ROBO2: variants seen among roughly 807,000 people sequenced by gnomAD.
ROBO2 encodes roundabout guidance receptor 2, also known as roundabout homolog 2.
A neutral mutation model predicts 160.8 loss-of-function variants in ROBO2; 53 were observed. That is an observed-to-expected ratio of 0.33 (90% confidence interval 0.26 to 0.41). ROBO2 has a LOEUF of 0.41. Ranked by LOEUF, ROBO2 falls within the 10% of genes least tolerant of loss-of-function variation. ROBO2 has a pLI of 1.00. For synonymous variants in ROBO2, 664 were observed against 611.7 expected (o/e 1.09, Z -1.26); for missense variants, 1,577 against 1,722.4 (o/e 0.92, Z 1.49).
chr3:77,227,351 C>G (rs1297495422), intron 2 of ROBO2, among the ~76,000 whole-genome samples: 2 of 152,032 alleles, frequency 1.3e-5, no homozygotes, highest in Non-Finnish European at 2.9e-5. Context: ...ACCTCCAATT[C>G]CATTTAGAAC....
chr3:76,903,054 A>C (rs2075340833), intron 2 of ROBO2, among the ~76,000 whole-genome samples: 1 of 151,896 alleles, frequency 6.6e-6, no homozygotes, highest in South Asian at 2.1e-4. Flanking sequence ...ATGGCAGTTC[A>C]ATTTTATGTG....
chr3:76,741,590 A>G (rs541729722), intron 2 of ROBO2, among the ~76,000 whole-genome samples: 92 of 152,176 alleles, frequency 6.0e-4, no homozygotes, highest in Admixed American at 2.3e-3. Flanking sequence ...ACAGACTTTC[A>G]TTTACATGAC....
At chr3:76,771,796 G>A (rs190333765) in intron 2 of ROBO2, among the ~76,000 whole-genome samples, 66 of 150,784 alleles carry the variant, frequency 4.4e-4, no homozygotes, top group African/African-American at 1.5e-3. Context: ...CTAGACTAAT[G>A]AGGAAAAATC....
intron 2 of ROBO2, among the ~76,000 whole-genome samples, chr3:76,084,631 G>T (rs1239786458): frequency 6.6e-6 from 1 of 152,050 alleles, no homozygotes; most frequent in Non-Finnish European, 1.5e-5. Flanking sequence ...TATAATATCT[G>T]GCATGAAGTT....
chr3:77,044,172 A>G (rs1157484400), intron 1 of ROBO2, among the ~76,000 whole-genome samples: 7 of 152,188 alleles, frequency 4.6e-5, no homozygotes, highest in South Asian at 2.1e-4. Flanking sequence ...ATTGTAAAAA[A>G]AAAAAGTAAT....
At chr3:76,920,947 C>T (rs551247432) in intron 2 of ROBO2, among the ~76,000 whole-genome samples, 1 of 152,262 alleles carries the variant, frequency 6.6e-6, no homozygotes, top group South Asian at 2.1e-4. Flanking sequence ...TGATTCTTGG[C>T]AAGCATGTCT....
intron 2 of ROBO2, among the ~76,000 whole-genome samples, chr3:77,388,137 C>T (rs1334885168): frequency 7.8e-6 from 1 of 127,762 alleles, no homozygotes; most frequent in Non-Finnish European, 1.6e-5. Context: ...CATAGATTCA[C>T]ACATACACAC....
intron 2 of ROBO2, among the ~76,000 whole-genome samples, chr3:76,404,039 T>C (rs12714437): frequency 0.18 from 27,970 of 151,440 alleles, 3,038 homozygotes; most frequent in African/African-American, 0.3. Context: ...CCTCTCTAGG[T>C]TTTAGGCAAA....
chr3:77,323,605 C>G (rs895332755), intron 2 of ROBO2, among the ~76,000 whole-genome samples: 2 of 152,040 alleles, frequency 1.3e-5, no homozygotes, highest in Non-Finnish European at 1.5e-5. Context: ...TAGAGCTAAA[C>G]CAATATTTGA....
In ROBO2 at chr3:77,598,527, G is replaced by GTA. The variant is rs3073098; in HGVS notation, c.2854+1791_2854+1792dup. On this transcript the variant is annotated intron_variant, in intron 19 of 25. Transcript: ENST00000461745. ...TACGCACACACATATATATATATGTGTATATATATATATATCCCAAAGCTT... is the reference window on the plus strand; with the variant it reads ...TACGCACACACATATATATATATGTGTATATATATATATATATCCCAAAGCTT... Among the ~76,000 whole-genome samples the GTA allele has an allele frequency of 5.5e-4, 77 of 139,978 alleles. 1 individual carries two copies. Among genetic ancestry groups the GTA allele is most frequent in the Middle Eastern group, 3.8e-3 (1 of 260 alleles). 91.8% of individuals were successfully genotyped at this position (139,978 alleles called of 152,430 possible).
chr3:76,381,460 C>G (rs1189100853), intron 2 of ROBO2, among the ~76,000 whole-genome samples: 2 of 152,198 alleles, frequency 1.3e-5, no homozygotes, highest in African/African-American at 4.8e-5. Flanking sequence ...AGCGATTCTC[C>G]TGCCTCAGCC....
At chr3:76,291,528 C>T (rs1230273119) in intron 2 of ROBO2, among the ~76,000 whole-genome samples, 2 of 152,030 alleles carry the variant, frequency 1.3e-5, no homozygotes, top group African/African-American at 2.4e-5. Context: ...CATTTCATTA[C>T]ATTCAGCTCG....
At chr3:76,887,187 A>C (rs1157445151) in intron 2 of ROBO2, among the ~76,000 whole-genome samples, 4 of 135,494 alleles carry the variant, frequency 3.0e-5, no homozygotes, top group African/African-American at 1.0e-4. Flanking sequence ...CCTTTGCTTC[A>C]GGAAGCATTT....
At chr3:77,483,319 G>A (rs1260776818) in intron 4 of ROBO2, among the ~76,000 whole-genome samples, 3 of 151,870 alleles carry the variant, frequency 2.0e-5, no homozygotes, top group Non-Finnish European at 4.4e-5. Flanking sequence ...AGTATTGCCC[G>A]AGAAACCCCT....
intron 1 of ROBO2, among the ~76,000 whole-genome samples, chr3:75,916,826 GAATAT>G (rs1946831402): frequency 6.7e-6 from 1 of 149,624 alleles, no homozygotes; most frequent in Non-Finnish European, 1.5e-5. Context: ...CTTAGCTGAT[GAATAT>G]AAATGAAATT....
chr3:76,605,727 A>G (rs891867993), intron 2 of ROBO2, among the ~76,000 whole-genome samples: 16 of 152,276 alleles, frequency 1.1e-4, no homozygotes, highest in Non-Finnish European at 1.6e-4. Flanking sequence ...GGGGAATTAA[A>G]GAATAAGTAG....
chr3:76,652,110 A>G (rs1166694357), intron 2 of ROBO2, among the ~76,000 whole-genome samples: 3 of 152,204 alleles, frequency 2.0e-5, no homozygotes, highest in Non-Finnish European at 4.4e-5. Flanking sequence ...CAAATTAGCC[A>G]TTAGTAAAAG....
intron 2 of ROBO2, among the ~76,000 whole-genome samples, chr3:76,670,200 G>T (rs2092211702): frequency 6.6e-6 from 1 of 152,028 alleles, no homozygotes; most frequent in African/African-American, 2.4e-5. Flanking sequence ...TTGCATGCAA[G>T]TTAGTTTTAA....
At chr3:76,230,712 A>G (rs1315440102) in intron 2 of ROBO2, among the ~76,000 whole-genome samples, 3 of 60,278 alleles carry the variant, frequency 5.0e-5, no homozygotes, top group Admixed American at 1.7e-4. Flanking sequence ...TCCTTCTCAC[A>G]CTGTTTTGGT....
Sources: gnomAD v4.1 joint callset for allele counts (sites outside exome capture counted in the v4.1 genomes callset) on GRCh38, gnomAD v4.1.1 for gene constraint, MANE v1.5 for transcripts, NCBI Gene and HGNC (gene_info 2026-07-23, HGNC 2026-07-21) for gene names.